LRP1B: variants seen among roughly 807,000 people sequenced by gnomAD.
The protein encoded by LRP1B is low-density lipoprotein receptor-related protein 1B.
LRP1B carries 217 observed loss-of-function variants against 556.6 expected under a neutral mutation model. The ratio of observed to expected loss-of-function variants is 0.39; its 90% CI spans 0.35 to 0.44. LRP1B has a LOEUF of 0.44. Among genes scored for constraint, LRP1B ranks in the 20% least tolerant of loss-of-function variants. The pLI is 1.00. For synonymous variants in LRP1B, 2,047 were observed against 1,865.8 expected (o/e 1.10, Z -2.50); for missense variants, 5,053 against 5,620.8 (o/e 0.90, Z 3.23).
rs1325333146 is a variant in LRP1B at position 140,356,331 on chromosome 2, A to G, written c.11530+11T>C. 1.2e-6 allele frequency: 2 copies of G among 1,609,472 alleles called. No individual in the cohort carries two copies. The highest frequency in any genetic ancestry group is 1.7e-6 in the Non-Finnish European group (2 of 1,177,130). ...GATTTATGAGCAAACTGTTGAAGAAAAGTACTCTACCTTCACATTGTCTGT... is the reference window on the plus strand; with the variant it reads ...GATTTATGAGCAAACTGTTGAAGAAGAGTACTCTACCTTCACATTGTCTGT... On this transcript the variant is annotated intron_variant, in intron 75 of 90. Coordinates refer to ENST00000389484, the MANE Select transcript of LRP1B (RefSeq NM_018557.3).
chr2:141,511,414 T>C (rs1224240895), intron 2 of LRP1B, among the ~76,000 whole-genome samples: 1 of 152,146 alleles, frequency 6.6e-6, no homozygotes, highest in East Asian at 1.9e-4. Flanking sequence ...TTTTTTTAGA[T>C]TCATGTTTGA....
At chr2:140,692,156 A>G (rs1294447079) in intron 41 of LRP1B, among the ~76,000 whole-genome samples, 2 of 152,128 alleles carry the variant, frequency 1.3e-5, no homozygotes, top group Non-Finnish European at 2.9e-5. Context: ...TATAATTATC[A>G]AAAAATTGCT....
At chr2:140,920,775 A>G (rs1694715008) in intron 21 of LRP1B, among the ~76,000 whole-genome samples, 1 of 152,030 alleles carries the variant, frequency 6.6e-6, no homozygotes, top group Non-Finnish European at 1.5e-5. Flanking sequence ...TTTAAAGTGA[A>G]ACATATGTTT....
intron 41 of LRP1B, among the ~76,000 whole-genome samples, chr2:140,677,362 C>A (rs1685706465): frequency 6.6e-6 from 1 of 152,034 alleles, no homozygotes; most frequent in Non-Finnish European, 1.5e-5. Context: ...ACAATGGGAT[C>A]CACGAAAGAG....
intron 1 of LRP1B, among the ~76,000 whole-genome samples, chr2:141,892,711 G>A (rs1334824593): frequency 6.6e-6 from 1 of 152,116 alleles, no homozygotes; most frequent in Non-Finnish European, 1.5e-5. Flanking sequence ...GAGGAAAAAA[G>A]TAACTTGTAG....
At chr2:140,557,656 A>G (rs545726288) in intron 43 of LRP1B, among the ~76,000 whole-genome samples, 1 of 152,292 alleles carries the variant, frequency 6.6e-6, no homozygotes, top group South Asian at 2.1e-4. Flanking sequence ...CCTCAAATGC[A>G]TCAAACACAT....
chr2:140,814,573 T>C (rs1691043092), intron 31 of LRP1B, among the ~76,000 whole-genome samples: 2 of 152,242 alleles, frequency 1.3e-5, no homozygotes, highest in African/African-American at 4.8e-5. Context: ...ATTTAACTGA[T>C]GAAATTTATA....
At chr2:142,031,334 T>TTA (rs1485620318) in intron 1 of LRP1B, among the ~76,000 whole-genome samples, 1 of 121,594 alleles carries the variant, frequency 8.2e-6, no homozygotes, top group African/African-American at 3.1e-5. Context: ...ATACTTATTT[T>TTA]TTTTTTTTTT....
intron 3 of LRP1B, among the ~76,000 whole-genome samples, chr2:141,298,422 G>A (rs969284947): frequency 6.6e-6 from 1 of 152,134 alleles, no homozygotes; most frequent in Admixed American, 6.6e-5. Context: ...GTTCCAGAAT[G>A]TGGACAATTT....
At chr2:140,884,444 C>T (rs943971845) in intron 24 of LRP1B, among the ~76,000 whole-genome samples, 11 of 152,068 alleles carry the variant, frequency 7.2e-5, no homozygotes, top group Non-Finnish European at 4.4e-5. Context: ...AGAAAAAGCC[C>T]ACCAGAGCTA....
intron 2 of LRP1B, among the ~76,000 whole-genome samples, chr2:141,674,612 G>C (rs191459140): frequency 6.6e-6 from 1 of 151,834 alleles, no homozygotes; most frequent in African/African-American, 2.4e-5. Flanking sequence ...ATTGCTTCAC[G>C]TGCATGGTTT....
chr2:140,772,707 A>T (rs1689356926), intron 33 of LRP1B, among the ~76,000 whole-genome samples: 1 of 152,152 alleles, frequency 6.6e-6, no homozygotes, highest in Admixed American at 6.6e-5. Context: ...AGTTGTATTG[A>T]GATGTAGATG....
chr2:141,627,962 A>G (rs1034092044), intron 2 of LRP1B, among the ~76,000 whole-genome samples: 3 of 152,202 alleles, frequency 2.0e-5, no homozygotes, highest in Non-Finnish European at 4.4e-5. Flanking sequence ...TAAACCTAAA[A>G]CTGCTCTAAA....
intron 83 of LRP1B, among the ~76,000 whole-genome samples, chr2:140,305,488 T>C (rs1230445412): frequency 6.6e-6 from 1 of 152,218 alleles, no homozygotes; most frequent in Non-Finnish European, 1.5e-5. Context: ...CTTGTGATTT[T>C]TGCACATTGA....
chr2:141,049,274 T>C (rs1427701255), intron 10 of LRP1B, 52 bp from the exon 11 acceptor site: 5 of 1,158,602 alleles, frequency 4.3e-6, no homozygotes, highest in Non-Finnish European at 6.5e-6. Flanking sequence ...TAATCTTCTT[T>C]ACACTGCATA....
At chr2:141,669,471 A>G (rs1241989480) in intron 2 of LRP1B, among the ~76,000 whole-genome samples, 1 of 152,048 alleles carries the variant, frequency 6.6e-6, no homozygotes, top group East Asian at 1.9e-4. Context: ...TGCAAGTCCC[A>G]GATCAAAACC....
chr2:141,128,663 C>A (rs1344183767), intron 7 of LRP1B, among the ~76,000 whole-genome samples: 1 of 151,864 alleles, frequency 6.6e-6, no homozygotes. Flanking sequence ...CCTTGTTGCC[C>A]AGGCTGGAGT....
intron 2 of LRP1B, among the ~76,000 whole-genome samples, chr2:141,672,334 G>C (rs771223046): frequency 3.9e-5 from 6 of 152,098 alleles, no homozygotes; most frequent in Non-Finnish European, 7.4e-5. Flanking sequence ...GGGAGAGCTT[G>C]AGGGTCCCAG....
chr2:140,752,804 T>C (rs966304056), intron 35 of LRP1B, among the ~76,000 whole-genome samples: 1 of 152,204 alleles, frequency 6.6e-6, no homozygotes, highest in African/African-American at 2.4e-5. Context: ...CTTCCACATA[T>C]GCACAGCCTC....
Sources: allele counts gnomAD v4.1 joint callset (sites outside exome capture counted in the v4.1 genomes callset), GRCh38; gene constraint gnomAD v4.1.1; transcripts MANE v1.5; gene names NCBI Gene and HGNC (gene_info 2026-07-23, HGNC 2026-07-21).